Variants in EEFSEC observed in about 807,000 individuals in gnomAD.
EEFSEC encodes selenocysteine-specific elongation factor.
Under a neutral mutation model 42.1 loss-of-function variants are expected in EEFSEC, and 43 were observed. The observed-to-expected ratio is 1.02, with a 90% CI of 0.80 to 1.32. EEFSEC has a LOEUF of 1.32. EEFSEC is among the 40% of genes most tolerant of loss of function. The probability of loss-of-function intolerance (pLI) is 0.00; values close to 1 mark genes in which losing one functional copy is unlikely to be tolerated. For missense variants in EEFSEC, 745 were observed against 803.6 expected (o/e 0.93, Z 0.88); for synonymous variants, 354 against 339.1 (o/e 1.04, Z -0.48).
intron 4 of EEFSEC, among the ~76,000 whole-genome samples, chr3:128,268,269 A>G (rs997445332): frequency 7.2e-5 from 11 of 152,210 alleles, no homozygotes; most frequent in Admixed American, 7.2e-4. Flanking sequence ...TTGCCCCAGG[A>G]TAGACCATAT....
chr3:128,324,307 T>C, intron 4 of EEFSEC, among the ~76,000 whole-genome samples: 1 of 151,822 alleles, frequency 6.6e-6, no homozygotes, highest in East Asian at 1.9e-4. Flanking sequence ...AACTTGGTAT[T>C]TCAAAGAATT....
At chr3:128,283,057 T>C (rs1224411898) in intron 4 of EEFSEC, among the ~76,000 whole-genome samples, 1 of 152,252 alleles carries the variant, frequency 6.6e-6, no homozygotes, top group Non-Finnish European at 1.5e-5. Flanking sequence ...AAAACACAGC[T>C]CTTTCTCCCC....
rs565424895 is a variant in EEFSEC, at chr3:128,317,789, C to T, written c.787-23444C>T. Among the ~76,000 whole-genome samples, 6 of 152,356 alleles carry T rather than the reference C, an allele frequency of 3.9e-5. No homozygotes were observed. Among genetic ancestry groups the T allele is most frequent in the East Asian group, 1.9e-4 (1 of 5,188 alleles). On this transcript the variant is annotated intron_variant, in intron 4 of 6. Transcript: ENST00000254730. The surrounding 1 kb of genome is among the most constrained non-coding windows in gnomAD (Gnocchi z 4.1). ...CCCTCTGCAGGCCTCAGGGCCTTTG[C>T]CCCCTTCAGCCTTCTGCTCCAGCTG...
rs1466278972 is a variant in EEFSEC, at chr3:128,262,238, G to C, written c.621+14G>C. 5 of 1,613,302 alleles carry C rather than the reference G, an allele frequency of 3.1e-6. No homozygotes were observed. The highest frequency in any genetic ancestry group is 4.2e-6 in the Non-Finnish European group (5 of 1,179,434). On this transcript the variant is annotated intron_variant, in intron 3 of 6. Transcript: ENST00000254730. ...GAGCTCATTGAGGTACTGTCATCTT[G>C]AATCCAGGTTGCCCTTTAGCCCCAG...
intron 5 of EEFSEC, among the ~76,000 whole-genome samples, chr3:128,357,806 TG>T (rs961931460): frequency 2.1e-5 from 3 of 139,808 alleles, no homozygotes; most frequent in Non-Finnish European, 3.1e-5. Flanking sequence ...CCCCCAGGGG[TG>T]GGGGGGGCCT....
In EEFSEC at chr3:128,293,964, C is replaced by A. The variant is rs114315365; in HGVS notation, c.786+29183C>A. On this transcript the variant is annotated intron_variant, in intron 4 of 6. Transcript: ENST00000254730. Reference sequence around the variant, plus strand: ...TACTCAAAGAAGTTAGGGAAGCTCACACACAAAGGTGGCTGCTTCTCCCCT... The same window carrying A: ...TACTCAAAGAAGTTAGGGAAGCTCAAACACAAAGGTGGCTGCTTCTCCCCT... 6.1e-3 allele frequency among the ~76,000 whole-genome samples: 922 copies of A among 152,338 alleles called. 13 individuals carry two copies. Among genetic ancestry groups the A allele is most frequent in the African/African-American group, 0.021 (877 of 41,568 alleles).
intron 6 of EEFSEC, among the ~76,000 whole-genome samples, chr3:128,359,511 G>A (rs184311691): frequency 6.6e-6 from 1 of 152,194 alleles, no homozygotes; most frequent in Non-Finnish European, 1.5e-5. Flanking sequence ...CTCCTGAATA[G>A]CTGGGACTCA....
At chr3:128,411,642 A>T (rs115189069), downstream of EEFSEC, among the ~76,000 whole-genome samples, 4,921 of 152,286 alleles carry the variant, frequency 0.032, 109 homozygotes, top group African/African-American at 0.053. Context: ...GGGCTGGGGC[A>T]GGAGGGGCAG....
intron 6 of EEFSEC, among the ~76,000 whole-genome samples, chr3:128,362,440 C>T (rs1237225630): frequency 1.3e-5 from 2 of 152,250 alleles, no homozygotes; most frequent in African/African-American, 2.4e-5. Flanking sequence ...TCTCCTGAAG[C>T]AATGCTCTGT....
intron 4 of EEFSEC, among the ~76,000 whole-genome samples, chr3:128,316,474 G>T (rs112608852): frequency 0.018 from 2,746 of 152,306 alleles, 91 homozygotes; most frequent in African/African-American, 0.062. Context: ...ACAGAAGAGC[G>T]CTCCTGCACT....
At chr3:128,165,078 CT>C (rs2065230623) in intron 1 of EEFSEC, among the ~76,000 whole-genome samples, 1 of 152,230 alleles carries the variant, frequency 6.6e-6, no homozygotes, top group Admixed American at 6.5e-5. Flanking sequence ...AAAGAATGGA[CT>C]TTTGGAGAAC....
At chr3:128,370,129 G>A (rs938602233) in intron 6 of EEFSEC, among the ~76,000 whole-genome samples, 1 of 152,212 alleles carries the variant, frequency 6.6e-6, no homozygotes, top group Non-Finnish European at 1.5e-5. Flanking sequence ...CAGGTTGGTT[G>A]TTTCCCAGTG....
At chr3:128,189,033 TG>T (rs201796954) in intron 1 of EEFSEC, among the ~76,000 whole-genome samples, 114 of 151,878 alleles carry the variant, frequency 7.5e-4, no homozygotes, top group Middle Eastern at 3.4e-3. Context: ...TACCTTTACA[TG>T]GGGGGGGCTC....
intron 6 of EEFSEC, among the ~76,000 whole-genome samples, chr3:128,378,061 ACTGT>A (rs750704425): frequency 6.6e-6 from 1 of 152,202 alleles, no homozygotes; most frequent in African/African-American, 2.4e-5. Context: ...CATCTTTATG[ACTGT>A]CTGCCAAAAT....
chr3:128,298,776 T>G (rs1321556979), intron 4 of EEFSEC, among the ~76,000 whole-genome samples: 1 of 152,158 alleles, frequency 6.6e-6, no homozygotes, highest in Non-Finnish European at 1.5e-5. Context: ...ACTCTCTACC[T>G]CCATGAGACC....
chr3:128,425,038 ATTG>A, the EEFSEC span, among the ~76,000 whole-genome samples: 1 of 152,228 alleles, frequency 6.6e-6, no homozygotes, highest in African/African-American at 2.4e-5. Flanking sequence ...GGTTTTTAAA[ATTG>A]TTGTTTGTCA....
At chr3:128,233,139 T>G (rs1332522945) in intron 1 of EEFSEC, among the ~76,000 whole-genome samples, 2 of 152,226 alleles carry the variant, frequency 1.3e-5, no homozygotes, top group Non-Finnish European at 2.9e-5. Context: ...AGCACACCTT[T>G]CCCCTACCTC....
At chr3:128,296,826 C>T (rs1352864056) in intron 4 of EEFSEC, among the ~76,000 whole-genome samples, 3 of 152,170 alleles carry the variant, frequency 2.0e-5, no homozygotes, top group Non-Finnish European at 2.9e-5. Context: ...CAGTACTCTG[C>T]GTGTGTTGGC....
At chr3:128,187,504 C>T (rs2065477421) in intron 1 of EEFSEC, among the ~76,000 whole-genome samples, 1 of 152,208 alleles carries the variant, frequency 6.6e-6, no homozygotes, top group Non-Finnish European at 1.5e-5. Flanking sequence ...AAAAATTCTT[C>T]ATCAATGAAT....
Sources: allele counts gnomAD v4.1 joint callset (sites outside exome capture counted in the v4.1 genomes callset), GRCh38; gene constraint gnomAD v4.1.1; non-coding constraint Gnocchi (gnomAD v3.1); transcripts MANE v1.5; gene names NCBI Gene and HGNC (gene_info 2026-07-23, HGNC 2026-07-21).